The following ACOT7 variants were observed in gnomAD, a reference collection of about 807,000 sequenced individuals.
ACOT7 encodes the protein cytosolic acyl coenzyme A thioester hydrolase.
Under a neutral mutation model 40.2 loss-of-function variants are expected in ACOT7, and 12 were observed. That is an observed-to-expected ratio of 0.30 (90% CI 0.19 to 0.48). ACOT7 has a LOEUF of 0.48. Among genes scored for constraint, ACOT7 ranks in the 20% least tolerant of loss-of-function variants. ACOT7 has a pLI of 0.99. For missense variants in ACOT7, 395 were observed against 530.8 expected (o/e 0.74, Z 2.51); for synonymous variants, 228 against 219.5 (o/e 1.04, Z -0.34).
In ACOT7 at chr1:6,275,623, A is replaced by T. The variant is rs4908545; in HGVS notation, c.1014+5479T>A. Among the ~76,000 whole-genome samples the T allele has an allele frequency of 6.7e-6, 1 of 150,074 alleles. No individual in the cohort carries two copies. Among genetic ancestry groups the T allele is most frequent in the African/African-American group, 2.5e-5 (1 of 40,678 alleles). On this transcript the variant is annotated intron_variant, in intron 8 of 8. Transcript: ENST00000361521. The surrounding 1 kb of genome is among the most constrained non-coding windows in gnomAD (Gnocchi z 5.6). The stretch of plus-strand genomic sequence containing the variant: ...TCCCAGCTACTCGGGAGGCTGAGGC[A>T]GGAGAATCGTTTGAACCCGGGAGGC...
Position 6,299,753 on chromosome 1 carries a change from G to T in ACOT7, c.713-4773C>A, listed in dbSNP as rs1032877975. On this transcript the variant is annotated intron_variant, in intron 6 of 8. Coordinates refer to ENST00000361521, the MANE Select transcript of ACOT7 (RefSeq NM_007274.4). The surrounding 1 kb of genome is among the most constrained non-coding windows in gnomAD (Gnocchi z 4.1). ...GCGGCAGAGCTGCAGCCCACAGACT[G>T]AGTTCTTCTAGGTTGATCTGCCTCA... 1.3e-5 allele frequency among the ~76,000 whole-genome samples: 2 copies of T among 152,176 alleles called. No homozygotes were observed. Among genetic ancestry groups the T allele is most frequent in the African/African-American group, 4.8e-5 (2 of 41,430 alleles).
At chr1:6,266,385 C>T (rs918197465) in intron 8 of ACOT7, among the ~76,000 whole-genome samples, 4 of 152,350 alleles carry the variant, frequency 2.6e-5, no homozygotes, top group Admixed American at 2.6e-4. Context: ...CAGCTGAAGA[C>T]CTCTGTGCAC....
In ACOT7 at chr1:6,294,827, C is replaced by T; in HGVS notation, c.829+37G>A. 6.4e-7 allele frequency: 1 copy of T among 1,558,544 alleles called. No individual in the cohort carries two copies. On this transcript the variant is annotated intron_variant, in intron 7 of 8. Coordinates refer to ENST00000361521, the MANE Select transcript of ACOT7 (RefSeq NM_007274.4). This position sits in a 1 kb window ranked among gnomAD's most constrained non-coding sequence, Gnocchi z 4.6. ...GTGCAGGGACCCAAGCAGCCGAGGGCCACTGCCTCCCTCGTCTTTGCCAGA... is the reference window on the plus strand; with the variant it reads ...GTGCAGGGACCCAAGCAGCCGAGGGTCACTGCCTCCCTCGTCTTTGCCAGA...
chr1:6,306,739 AC>A lies in ACOT7; in HGVS notation c.712+11752del. The A allele has an allele frequency of 8.0e-7, 1 of 1,250,472 alleles. No individual in the cohort carries two copies. The highest frequency in any genetic ancestry group is 2.5e-5 in the Admixed American group (1 of 39,688). 77.5% of individuals were successfully genotyped at this position (1,250,472 alleles called of 1,614,324 possible). A position where few individuals can be genotyped will look rare whatever the true frequency, so the allele number is the denominator to read the frequency against. On this transcript the variant is annotated intron_variant, in intron 6 of 8. Coordinates refer to ENST00000361521, the MANE Select transcript of ACOT7 (RefSeq NM_007274.4). This position sits in a 1 kb window ranked among gnomAD's most constrained non-coding sequence, Gnocchi z 4.3. The stretch of plus-strand genomic sequence containing the variant: ...AAGAGTAGGGAACAGCTCTTCGTCC[AC>A]CTTTTTCCTTCCTTGCCCCAACACT...
intron 6 of ACOT7, among the ~76,000 whole-genome samples, chr1:6,303,823 G>A (rs932600094): frequency 1.1e-4 from 17 of 152,138 alleles, no homozygotes; most frequent in African/African-American, 3.4e-4. Context: ...AGTGGTTCCC[G>A]GACGTCTGGG....
chr1:6,322,823 C>T (rs1266813934), intron 5 of ACOT7, among the ~76,000 whole-genome samples: 1 of 152,156 alleles, frequency 6.6e-6, no homozygotes, highest in Non-Finnish European at 1.5e-5. Flanking sequence ...CCCAGAGGCA[C>T]ATCAAAGCCT....
intron 1 of ACOT7, among the ~76,000 whole-genome samples, chr1:6,367,877 C>T (rs191839350): frequency 3.3e-4 from 51 of 152,284 alleles, no homozygotes; most frequent in East Asian, 2.7e-3. Context: ...GAATGAGGTA[C>T]GCAGAAAAAT....
intron 8 of ACOT7, among the ~76,000 whole-genome samples, chr1:6,280,477 C>T (rs917786968): frequency 6.6e-6 from 1 of 152,238 alleles, no homozygotes; most frequent in African/African-American, 2.4e-5. Flanking sequence ...GGGATGTGGA[C>T]ACCTGGGGGC....
At chr1:6,328,348 A>G (rs1478199624) in intron 4 of ACOT7, among the ~76,000 whole-genome samples, 2 of 152,140 alleles carry the variant, frequency 1.3e-5, no homozygotes, top group Admixed American at 6.5e-5. Flanking sequence ...TCCAGAAGTT[A>G]AAAATAAATG....
chr1:6,312,873 G>A (rs951332047), intron 6 of ACOT7, among the ~76,000 whole-genome samples: 2 of 152,136 alleles, frequency 1.3e-5, no homozygotes, highest in Non-Finnish European at 1.5e-5. Flanking sequence ...GCTGTCCACA[G>A]ATGAAATTAA....
At chr1:6,323,497 C>T (rs535605108) in intron 5 of ACOT7, among the ~76,000 whole-genome samples, 1 of 152,026 alleles carries the variant, frequency 6.6e-6, no homozygotes, top group East Asian at 1.9e-4. Context: ...GCGGGCGGAT[C>T]GCCTGAGGTC....
chr1:6,365,987 C>T (rs1025859718), intron 1 of ACOT7, among the ~76,000 whole-genome samples: 10 of 151,516 alleles, frequency 6.6e-5, no homozygotes, highest in African/African-American at 9.7e-5. Flanking sequence ...CTCTGCCTCC[C>T]GGGTTCAAGT....
chr1:6,287,877 G>A (rs1443334703), intron 7 of ACOT7, among the ~76,000 whole-genome samples: 2 of 152,230 alleles, frequency 1.3e-5, no homozygotes, highest in African/African-American at 4.8e-5. Context: ...AACTGACTTA[G>A]TATTTCTTAC....
intron 1 of ACOT7, among the ~76,000 whole-genome samples, chr1:6,363,255 G>A (rs937483331): frequency 3.3e-5 from 5 of 152,302 alleles, no homozygotes; most frequent in Non-Finnish European, 2.9e-5. Flanking sequence ...TAGCGGTAAC[G>A]CCAGCGTCTG....
intron 7 of ACOT7, among the ~76,000 whole-genome samples, chr1:6,285,454 C>G (rs886685645): frequency 6.6e-5 from 10 of 152,254 alleles, no homozygotes; most frequent in Non-Finnish European, 1.5e-5. Context: ...GGGGCAGTCA[C>G]GTGCTGGCCG....
At chr1:6,370,971 T>C (rs974971633) in intron 1 of ACOT7, among the ~76,000 whole-genome samples, 2 of 151,646 alleles carry the variant, frequency 1.3e-5, no homozygotes, top group African/African-American at 4.8e-5. Flanking sequence ...CCACTGCGCC[T>C]GGCTAATTTT....
chr1:6,268,222 G>A (rs1357297542), intron 8 of ACOT7, among the ~76,000 whole-genome samples: 1 of 152,156 alleles, frequency 6.6e-6, no homozygotes, highest in African/African-American at 2.4e-5. Flanking sequence ...TGGGTGAACA[G>A]AACGGCATGT....
intron 6 of ACOT7, 45 bp downstream of exon 6, chr1:6,318,447 G>A: frequency 1.3e-6 from 2 of 1,588,114 alleles, no homozygotes; most frequent in Non-Finnish European, 1.7e-6. Flanking sequence ...AAGCAACAAT[G>A]AGCCAAGGGA....
rs1639617339 is a variant in ACOT7, at chr1:6,289,921, G to GC, written c.829+4942dup. On this transcript the variant is annotated intron_variant, in intron 7 of 8. Coordinates refer to ENST00000361521, the MANE Select transcript of ACOT7 (RefSeq NM_007274.4). The surrounding 1 kb of genome is among the most constrained non-coding windows in gnomAD (Gnocchi z 4.6). ...ACAGAATAATGTGCTCCCAAAAGAT[G>GC]CCCACACCCAAATCCACTGAACCTG... 6.6e-6 allele frequency among the ~76,000 whole-genome samples: 1 copy of GC among 152,176 alleles called. No individual in the cohort carries two copies. The highest frequency in any genetic ancestry group is 1.5e-5 in the Non-Finnish European group (1 of 68,042).
Sources: gnomAD v4.1 joint callset for allele counts (sites outside exome capture counted in the v4.1 genomes callset) on GRCh38, gnomAD v4.1.1 for gene constraint, Gnocchi (gnomAD v3.1) non-coding constraint, MANE v1.5 for transcripts, NCBI Gene and HGNC (gene_info 2026-07-23, HGNC 2026-07-21) for gene names.